Variants in FAAH2 observed in about 807,000 individuals in gnomAD.
The protein encoded by FAAH2 is fatty-acid amide hydrolase 2.
FAAH2 carries 60 observed loss-of-function variants against 36.9 expected under a neutral mutation model. The observed-to-expected ratio is 1.63, with a 90% CI of 1.32 to 2.02. The LOEUF is 2.02. FAAH2 is among the 30% of genes most tolerant of loss of function. The probability of loss-of-function intolerance (pLI) is 0.00; values close to 1 mark genes in which losing one functional copy is unlikely to be tolerated. For synonymous variants in FAAH2, 214 were observed against 143.8 expected (o/e 1.49, Z -3.49); for missense variants, 689 against 397.5 (o/e 1.73, Z -6.23).
At chrX:57,417,141 T>A (rs2055866314) in intron 7 of FAAH2, among the ~76,000 whole-genome samples, 1 of 111,685 alleles carries the variant, frequency 9.0e-6, no homozygotes, top group South Asian at 3.7e-4. Flanking sequence ...TCTTTCAAGG[T>A]TCTTAGCTTT....
the FAAH2 span, among the ~76,000 whole-genome samples, chrX:57,181,779 T>C: frequency 3.6e-5 from 4 of 111,907 alleles, no homozygotes; most frequent in Non-Finnish European, 7.5e-5. Context: ...AAGGCAATCC[T>C]AAGCAAAAAG....
the FAAH2 span, among the ~76,000 whole-genome samples, chrX:57,203,248 G>C: frequency 8.9e-6 from 1 of 112,187 alleles, no homozygotes; most frequent in Non-Finnish European, 1.9e-5. Context: ...GAAACAAAGG[G>C]ATGGGCCAAA....
At chrX:57,458,320 G>A (rs1255093212) in intron 10 of FAAH2, among the ~76,000 whole-genome samples, 2 of 111,699 alleles carry the variant, frequency 1.8e-5, no homozygotes, top group Admixed American at 1.9e-4. Context: ...ATATTTAAAT[G>A]TAAGACCTCA....
At chrX:57,271,985 G>A in the FAAH2 span, among the ~76,000 whole-genome samples, 1 of 109,796 alleles carries the variant, frequency 9.1e-6, no homozygotes, top group Non-Finnish European at 1.9e-5. Flanking sequence ...CTAACCCAAT[G>A]CAAGGAAGCT....
intron 7 of FAAH2, among the ~76,000 whole-genome samples, chrX:57,424,274 C>T (rs992559868): frequency 1.8e-5 from 2 of 112,225 alleles, no homozygotes; most frequent in Non-Finnish European, 3.8e-5. Flanking sequence ...ATTACCCCAT[C>T]TCTGGGGCTG....
intron 5 of FAAH2, among the ~76,000 whole-genome samples, chrX:57,357,391 A>G (rs770956994): frequency 8.0e-5 from 9 of 111,952 alleles, no homozygotes; most frequent in Admixed American, 1.9e-4. Flanking sequence ...ATCAGAGTGA[A>G]CAGGCAGCCT....
chrX:57,422,418 T>C (rs986690814), intron 7 of FAAH2, among the ~76,000 whole-genome samples: 2 of 112,210 alleles, frequency 1.8e-5, no homozygotes, highest in African/African-American at 6.5e-5. Flanking sequence ...CTATTTATCC[T>C]CTACCATGAC....
chrX:57,287,172 G>A (rs1404604999), intron 1 of FAAH2, among the ~76,000 whole-genome samples, 155 bp downstream of exon 1: 3 of 111,370 alleles, frequency 2.7e-5, no homozygotes, highest in African/African-American at 9.8e-5. Flanking sequence ...TCTGGGTGTT[G>A]TAGTACGTTT....
At chrX:57,330,650 G>A (rs2053376184) in intron 3 of FAAH2, among the ~76,000 whole-genome samples, 1 of 111,411 alleles carries the variant, frequency 9.0e-6, no homozygotes, top group Non-Finnish European at 1.9e-5. Flanking sequence ...TGGTTTTGCG[G>A]CTTGTGGGGC....
chrX:57,339,073 C>A (rs2053625642), intron 4 of FAAH2, among the ~76,000 whole-genome samples: 1 of 111,137 alleles, frequency 9.0e-6, no homozygotes, highest in African/African-American at 3.3e-5. Context: ...AACACATAGA[C>A]CAATGGAGTA....
chrX:57,443,723 G>A (rs1245491930), intron 8 of FAAH2, among the ~76,000 whole-genome samples: 2 of 111,714 alleles, frequency 1.8e-5, no homozygotes, highest in African/African-American at 3.3e-5. Context: ...TTCTGCTCTG[G>A]TTTCTCCCCA....
At chrX:57,484,614 A>G (rs1410197281) in intron 10 of FAAH2, among the ~76,000 whole-genome samples, 1 of 111,576 alleles carries the variant, frequency 9.0e-6, no homozygotes, top group Non-Finnish European at 1.9e-5. Context: ...TTACTCACTC[A>G]ACCCAAATAC....
chrX:57,199,160 T>G, the FAAH2 span, among the ~76,000 whole-genome samples: 779 of 111,636 alleles, frequency 7.0e-3, 6 homozygotes, highest in South Asian at 0.024. Context: ...CTTTGCTCCT[T>G]CTTTTGTACT....
chrX:57,472,978 G>T (rs778332097), intron 10 of FAAH2, among the ~76,000 whole-genome samples: 2 of 110,664 alleles, frequency 1.8e-5, no homozygotes, highest in East Asian at 2.8e-4. Flanking sequence ...TGCTTTCAAA[G>T]AACTAAATTT....
chrX:57,348,423 A>G (rs757943522), intron 5 of FAAH2, among the ~76,000 whole-genome samples: 2 of 111,229 alleles, frequency 1.8e-5, no homozygotes, highest in African/African-American at 3.3e-5. Flanking sequence ...TTAAGAGCCC[A>G]CTTTCCTACT....
At chrX:57,236,710 T>C in the FAAH2 span, among the ~76,000 whole-genome samples, 5 of 111,261 alleles carry the variant, frequency 4.5e-5, no homozygotes, top group Non-Finnish European at 9.5e-5. Context: ...GGGGGGGGTG[T>C]TTTTCTATTG....
chrX:57,395,218 A>C, intron 7 of FAAH2: 1 of 573,423 alleles, frequency 1.7e-6, no homozygotes, highest in Non-Finnish European at 3.1e-6. Context: ...AGTGGCTTTC[A>C]TCCCAATCTC....
At chrX:57,234,062 G>A in the FAAH2 span, among the ~76,000 whole-genome samples, 1 of 112,841 alleles carries the variant, frequency 8.9e-6, no homozygotes, top group Non-Finnish European at 1.9e-5. Context: ...TTTACTTCAT[G>A]CATATTTAAA....
the FAAH2 span, among the ~76,000 whole-genome samples, chrX:57,153,129 T>A: frequency 8.9e-6 from 1 of 112,510 alleles, no homozygotes; most frequent in Non-Finnish European, 1.9e-5. Context: ...TCCCTGTTTG[T>A]CTTTTTAAAC....
Sources: gnomAD v4.1 joint callset for allele counts (sites outside exome capture counted in the v4.1 genomes callset) on GRCh38, gnomAD v4.1.1 for gene constraint, MANE v1.5 for transcripts, NCBI Gene and HGNC (gene_info 2026-07-23, HGNC 2026-07-21) for gene names.